Variants in DYTN observed in about 807,000 individuals in gnomAD.
DYTN encodes dystrotelin.
DYTN carries 75 observed loss-of-function variants against 69.6 expected under a neutral mutation model. The ratio of observed to expected loss-of-function variants is 1.08; its 90% CI spans 0.89 to 1.31. The LOEUF is 1.31. DYTN is among the 50% of genes most tolerant of loss of function. DYTN has a pLI of 0.00. For synonymous variants in DYTN, 252 were observed against 249.1 expected, an observed-to-expected ratio of 1.01 and a Z score of -0.11; for missense variants, 726 against 688.4, an observed-to-expected ratio of 1.05 and a Z score of -0.61.
At chr2:206,678,705 G>T (rs138587859) in intron 9 of DYTN, among the ~76,000 whole-genome samples, 1 of 152,230 alleles carries the variant, frequency 6.6e-6, no homozygotes, top group African/African-American at 2.4e-5. Flanking sequence ...TGTAGTCTAA[G>T]CTAATTTTAA....
chr2:206,710,803 C>T (rs1043853691), intron 1 of DYTN, among the ~76,000 whole-genome samples: 1 of 152,062 alleles, frequency 6.6e-6, no homozygotes, highest in Admixed American at 6.5e-5. Context: ...TTCACCTTCT[C>T]AGTCCACCAA....
chr2:206,683,189 A>G (rs1007577733), intron 9 of DYTN, among the ~76,000 whole-genome samples: 28 of 152,238 alleles, frequency 1.8e-4, no homozygotes, highest in Non-Finnish European at 1.2e-4. Context: ...TCTTTAGTCT[A>G]TTCTCAACAT....
chr2:206,689,117 A>G (rs1021689508), intron 9 of DYTN, among the ~76,000 whole-genome samples: 1 of 152,192 alleles, frequency 6.6e-6, no homozygotes, highest in Non-Finnish European at 1.5e-5. Flanking sequence ...TTCCTGAAAT[A>G]TTTAATAAGA....
At chr2:206,716,655 G>GA (rs111877197) in intron 1 of DYTN, among the ~76,000 whole-genome samples, 15 of 149,448 alleles carry the variant, frequency 1.0e-4, no homozygotes, top group South Asian at 6.4e-4. Context: ...TATGTTTGGA[G>GA]AAAAAAAAAA....
chr2:206,674,050 C>G (rs949338329), intron 9 of DYTN, among the ~76,000 whole-genome samples: 1 of 152,152 alleles, frequency 6.6e-6, no homozygotes, highest in Non-Finnish European at 1.5e-5. Context: ...TTACAATAGA[C>G]TTTTATCCTT....
In DYTN at chr2:206,697,512, G is replaced by A. The variant is rs377688016; in HGVS notation, c.719+2215C>T. On this transcript the variant is annotated intron_variant, in intron 7 of 11. Transcript: ENST00000452335. The stretch of plus-strand genomic sequence containing the variant: ...TCCCAAAAAACCAAAGCTACTGGTT[G>A]AGTTTTTTGAGATCCCAAAACATAA... Among the ~76,000 whole-genome samples, 161 of 152,222 alleles carry A rather than the reference G, an allele frequency of 1.1e-3. 1 individual carries two copies. In the South Asian group the frequency reaches 0.02, roughly 19 times the overall value.
chr2:206,705,675 A>G (rs1382563865), intron 4 of DYTN, 113 bp downstream of exon 4: 3 of 865,006 alleles, frequency 3.5e-6, no homozygotes, highest in East Asian at 2.7e-5. Context: ...TAATAAACAC[A>G]TAAGTCATGC....
intron 6 of DYTN, 45 bp from the exon 7 acceptor site, chr2:206,699,935 GAT>G: frequency 6.3e-7 from 1 of 1,583,998 alleles, no homozygotes; most frequent in Non-Finnish European, 8.6e-7. Context: ...GGCACGACTT[GAT>G]ATTTTCATTT....
In DYTN at chr2:206,693,326, GCTGAA is replaced by G; in HGVS notation, c.832-8_832-4del. The G allele has an allele frequency of 3.1e-6, 5 of 1,610,562 alleles. No homozygotes were observed. Among genetic ancestry groups the G allele is most frequent in the Non-Finnish European group, 4.2e-6 (5 of 1,179,658 alleles). The stretch of plus-strand genomic sequence containing the variant: ...TTTGTATTCTGCATTGCTGACATCT[GCTGAA>G]AGGGCCAACATTTTTAAAAAGCGTC... On this transcript the variant is annotated splice_region_variant and splice_polypyrimidine_tract_variant and intron_variant, in intron 8 of 11. Coordinates refer to ENST00000452335, the MANE Select transcript of DYTN (RefSeq NM_001093730.1).
intron 11 of DYTN, among the ~76,000 whole-genome samples, chr2:206,655,767 T>G (rs1487497026): frequency 6.6e-6 from 1 of 152,080 alleles, no homozygotes; most frequent in Non-Finnish European, 1.5e-5. Context: ...GAATGTGTTG[T>G]GTAGTTTAAC....
intron 11 of DYTN, among the ~76,000 whole-genome samples, chr2:206,652,702 T>C (rs918245701): frequency 1.3e-5 from 2 of 152,128 alleles, no homozygotes; most frequent in African/African-American, 4.8e-5. Context: ...GTCTAAGATA[T>C]TGAACAAGTG....
intron 10 of DYTN, 58 bp downstream of exon 10, chr2:206,665,812 G>A (rs1699563827): frequency 6.3e-7 from 1 of 1,575,794 alleles, no homozygotes; most frequent in South Asian, 1.2e-5. Flanking sequence ...CTTGGCTGAA[G>A]GACTCAAGGT....
chr2:206,654,688 T>C (rs1480428429), intron 11 of DYTN, among the ~76,000 whole-genome samples: 1 of 152,182 alleles, frequency 6.6e-6, no homozygotes, highest in East Asian at 1.9e-4. Context: ...TAAACACTTC[T>C]AGGACTCCCA....
chr2:206,677,088 C>A (rs113157952), intron 9 of DYTN, among the ~76,000 whole-genome samples: 21,095 of 151,910 alleles, frequency 0.14, 2,430 homozygotes, highest in African/African-American at 0.31. Flanking sequence ...CTGGGATTAC[C>A]GGAGTGTGCC....
At chr2:206,699,650 G>T in intron 7 of DYTN, 77 bp downstream of exon 7, 1 of 1,482,166 alleles carries the variant, frequency 6.7e-7, no homozygotes, top group Non-Finnish European at 9.0e-7. Flanking sequence ...ACCCCAAAAA[G>T]AATCTGAAGG....
chr2:206,666,400 T>C (rs946750475), intron 9 of DYTN, among the ~76,000 whole-genome samples: 8 of 152,226 alleles, frequency 5.3e-5, no homozygotes, highest in Non-Finnish European at 1.2e-4. Flanking sequence ...GCTGCCTTTG[T>C]GTGTATTATG....
chr2:206,703,671 C>T (rs574539974), intron 5 of DYTN, among the ~76,000 whole-genome samples: 1 of 152,280 alleles, frequency 6.6e-6, no homozygotes, highest in African/African-American at 2.4e-5. Flanking sequence ...AATCCATACT[C>T]CCTGTCCTAG....
intron 10 of DYTN, among the ~76,000 whole-genome samples, chr2:206,664,848 A>G (rs921478603): frequency 6.6e-6 from 1 of 152,174 alleles, no homozygotes; most frequent in Non-Finnish European, 1.5e-5. Context: ...GAGCATTAGG[A>G]CATTCAGTAT....
chr2:206,655,679 C>T (rs746937215), intron 11 of DYTN, among the ~76,000 whole-genome samples: 6 of 151,886 alleles, frequency 4.0e-5, no homozygotes, highest in Non-Finnish European at 8.8e-5. Flanking sequence ...CCACCTCAGC[C>T]TCCCAAAGCA....
Sources: gnomAD v4.1 joint callset for allele counts (sites outside exome capture counted in the v4.1 genomes callset) on GRCh38, gnomAD v4.1.1 for gene constraint, MANE v1.5 for transcripts, NCBI Gene and HGNC (gene_info 2026-07-23, HGNC 2026-07-21) for gene names.